The following KIF9 variants were observed in gnomAD, a reference collection of about 807,000 sequenced individuals.
The protein encoded by KIF9 is kinesin-like protein KIF9.
KIF9 carries 68 observed loss-of-function variants against 94.8 expected under a neutral mutation model. The observed-to-expected ratio is 0.72, with a 90% CI of 0.59 to 0.88. KIF9 has a LOEUF of 0.88. Ranked by LOEUF, KIF9 falls within the 40% of genes least tolerant of loss-of-function variation. KIF9 has a pLI of 0.00. For missense variants in KIF9, 882 were observed against 982.5 expected (o/e 0.90, Z 1.37); for synonymous variants, 343 against 362.1 (o/e 0.95, Z 0.60).
At chr3:47,234,742 G>T (rs1698890515) in intron 20 of KIF9, among the ~76,000 whole-genome samples, 1 of 149,774 alleles carries the variant, frequency 6.7e-6, no homozygotes, top group South Asian at 2.1e-4. Context: ...TTTTAGTAGA[G>T]ACAGGGTTTC....
Position 47,271,427 on chromosome 3 carries a change from G to A in KIF9, c.401C>T (p.Ala134Val), listed in dbSNP as rs1423749346. 3 of 1,613,972 alleles carry A rather than the reference G, an allele frequency of 1.9e-6. No individual in the cohort carries two copies. The highest frequency in any genetic ancestry group is 2.5e-6 in the Non-Finnish European group (3 of 1,180,014). The change falls in exon 5 of 21, where the codon GCC becomes GTC. Residue 134 changes from alanine (A) to valine (V), a missense_variant. Coordinates refer to ENST00000684063, the MANE Select transcript of KIF9 (RefSeq NM_182902.4). ...FRMIEERPTH[A>V]ITVRVSYLEI... Reference sequence around the variant, plus strand: ...CAAGTAGGAAACACGCACAGTGATGGCATGTGTGGGGCGTTCTTCGATCAT... The same window carrying A: ...CAAGTAGGAAACACGCACAGTGATGACATGTGTGGGGCGTTCTTCGATCAT...
At chr3:47,234,047 C>T (rs1386851745) in intron 20 of KIF9, among the ~76,000 whole-genome samples, 2 of 151,890 alleles carry the variant, frequency 1.3e-5, no homozygotes, top group Non-Finnish European at 2.9e-5. Flanking sequence ...CACGCCATTG[C>T]ACTCCAGCCT....
chr3:47,236,345 A>G, intron 18 of KIF9, 98 bp downstream of exon 18: 1 of 1,374,498 alleles, frequency 7.3e-7, no homozygotes, highest in Admixed American at 1.9e-5. Context: ...TGGCTCTGCC[A>G]GAGAGAAACT....
chr3:47,239,490 C>A, intron 17 of KIF9: 1 of 972,008 alleles, frequency 1.0e-6, no homozygotes, highest in Non-Finnish European at 1.3e-6. Context: ...AGGGCTTTGC[C>A]CTCAGGAATA....
chr3:47,257,453 T>G, intron 10 of KIF9, 30 bp downstream of exon 10: 2 of 1,596,868 alleles, frequency 1.3e-6, no homozygotes, highest in Non-Finnish European at 1.7e-6. Flanking sequence ...TTCCCCACAG[T>G]GGGACACCTG....
chr3:47,269,047 T>A (rs1320839517), intron 5 of KIF9, among the ~76,000 whole-genome samples: 1 of 152,122 alleles, frequency 6.6e-6, no homozygotes, highest in Non-Finnish European at 1.5e-5. Context: ...GCTCTGGGAT[T>A]ACAGGTGTGA....
At chr3:47,255,723 C>T (rs1260851622) in intron 10 of KIF9, among the ~76,000 whole-genome samples, 1 of 151,216 alleles carries the variant, frequency 6.6e-6, no homozygotes, top group Non-Finnish European at 1.5e-5. Context: ...TTTCTTCGCT[C>T]TCCCTCTCCC....
intron 10 of KIF9, among the ~76,000 whole-genome samples, chr3:47,252,341 G>A (rs992827149): frequency 5.9e-5 from 9 of 152,082 alleles, no homozygotes; most frequent in Admixed American, 5.9e-4. Flanking sequence ...GCTCACACCT[G>A]TAATCCCAGC....
chr3:47,248,038 G>C lies in KIF9; in HGVS notation c.1108C>G (p.Leu370Val). The C allele has an allele frequency of 6.2e-7, 1 of 1,613,714 alleles. No homozygotes were observed. Among genetic ancestry groups the C allele is most frequent in the Non-Finnish European group, 8.5e-7 (1 of 1,179,776 alleles). Residue 370 changes from leucine (L) to valine (V), a missense_variant, in exon 11 of 21, where the codon CTG (leucine) becomes GTG (valine). Physicochemically the swap from Leu to Val is conservative, Grantham distance 32. Coordinates refer to ENST00000684063, the MANE Select transcript of KIF9 (RefSeq NM_182902.4). Reference sequence around the variant, plus strand: ...CTTACCAGGCTGTCATGGATAGCCAGCTCCTGCTTGAGTAGTGCTAGTTCC... The same window carrying C: ...CTTACCAGGCTGTCATGGATAGCCACCTCCTGCTTGAGTAGTGCTAGTTCC... Reference protein sequence around the residue: ...EKELALLKQELAIHDSLTNRT... With the variant: ...EKELALLKQEVAIHDSLTNRT...
chr3:47,273,648 CAT>C lies in KIF9; in HGVS notation c.268_269del (p.Met90ValfsTer18), dbSNP rs1701784959. The C allele has an allele frequency of 1.2e-6, 2 of 1,613,548 alleles. No individual in the cohort carries two copies. Among genetic ancestry groups the C allele is most frequent in the African/African-American group, 1.3e-5 (1 of 74,940 alleles). ...QALDGYNGTI[M>X]CYGQTGAGKT... ...TGCCAGCTCCCGTCTGCCCATAACA[CAT>C]GATGGTGCCTGCAAACATTTCAAAA... On this transcript the variant is annotated frameshift_variant, in exon 4 of 21. Transcript: ENST00000684063. LOFTEE classifies it high-confidence loss of function.
At chr3:47,282,295 A>T (rs987681539) in intron 1 of KIF9, 200 bp downstream of exon 1, 2 of 985,734 alleles carry the variant, frequency 2.0e-6, no homozygotes, top group Non-Finnish European at 2.4e-6. Flanking sequence ...AATGAACATT[A>T]GCTCCGAAGA....
rs753104206 is a variant in KIF9, at chr3:47,235,541, T to A, written c.2294A>T (p.Tyr765Phe). The A allele has an allele frequency of 6.2e-7, 1 of 1,613,958 alleles. No individual in the cohort carries two copies. Among genetic ancestry groups the A allele is most frequent in the Non-Finnish European group, 8.5e-7 (1 of 1,179,862 alleles). ...LPEGPDSISFYNAKVKIEQKH... is the reference protein window; with the variant it reads ...LPEGPDSISFFNAKVKIEQKH... Reference sequence around the variant, plus strand: ...CTGCTCTATCTTGACTTTGGCATTGTAGAAGGAGATGGAATCAGGGCCCTC... The same window carrying A: ...CTGCTCTATCTTGACTTTGGCATTGAAGAAGGAGATGGAATCAGGGCCCTC... The change falls in exon 20 of 21, where the codon TAC becomes TTC. Residue 765 changes from tyrosine to phenylalanine, a missense_variant. Transcript: ENST00000684063.
At chr3:47,257,293 C>T (rs1004298884) in intron 10 of KIF9, among the ~76,000 whole-genome samples, 190 bp downstream of exon 10, 2 of 152,150 alleles carry the variant, frequency 1.3e-5, no homozygotes, top group Admixed American at 1.3e-4. Context: ...CCCTTTTACC[C>T]CATGACAGCC....
At chr3:47,281,211 G>C (rs1576109750) in intron 1 of KIF9, 1 of 579,772 alleles carries the variant, frequency 1.7e-6, no homozygotes, top group East Asian at 2.9e-5. Flanking sequence ...AGAGTCCCAA[G>C]GGGCATATGA....
intron 10 of KIF9, among the ~76,000 whole-genome samples, chr3:47,253,281 G>A (rs1335046444): frequency 3.3e-5 from 5 of 151,716 alleles, no homozygotes; most frequent in South Asian, 2.1e-4. Context: ...TCAGCCTCCC[G>A]AGTAGCTAGG....
chr3:47,258,671 C>T (rs1700769188), intron 9 of KIF9, among the ~76,000 whole-genome samples: 1 of 152,138 alleles, frequency 6.6e-6, no homozygotes, highest in Non-Finnish European at 1.5e-5. Context: ...CACTTTCTTC[C>T]TCCTGCTCCT....
chr3:47,231,837 T>C (rs1698613019), intron 20 of KIF9: 1 of 152,248 alleles, frequency 6.6e-6, no homozygotes. Context: ...CCTCTCTGGA[T>C]GGGCTTCAGC....
Position 47,265,972 on chromosome 3 carries a change from T to C in KIF9, c.769-95A>G, listed in dbSNP as rs1701266692. 4 of 1,393,010 alleles carry C rather than the reference T, an allele frequency of 2.9e-6. No individual in the cohort carries two copies. In the East Asian group the frequency reaches 9.2e-5, roughly 32 times the overall value. 86.3% of individuals were successfully genotyped at this position (1,393,010 alleles called of 1,614,324 possible). On this transcript the variant is annotated intron_variant, in intron 7 of 20. Coordinates refer to ENST00000684063, the MANE Select transcript of KIF9 (RefSeq NM_182902.4). ...CTGGTCTGGAGAAATGCTATAAGTC[T>C]GTGGTCAGGTCAGCGCCTCCTTCCC...
Position 47,235,626 on chromosome 3 carries a change from G to C in KIF9, c.2218-9C>G, listed in dbSNP as rs368001559. The C allele has an allele frequency of 6.2e-7, 1 of 1,605,932 alleles. No homozygotes were observed. Among genetic ancestry groups the C allele is most frequent in the Admixed American group, 1.7e-5 (1 of 60,010 alleles). On this transcript the variant is annotated splice_polypyrimidine_tract_variant and intron_variant, in intron 19 of 20. Coordinates refer to ENST00000684063, the MANE Select transcript of KIF9 (RefSeq NM_182902.4). ...TCCTGGTCATCTTCTCCCTGGGGGA[G>C]GACAGTCCCTTTAGCATGGTATTGT...
Sources: gnomAD v4.1 joint callset for allele counts (sites outside exome capture counted in the v4.1 genomes callset) on GRCh38, gnomAD v4.1.1 for gene constraint, MANE v1.5 for transcripts, NCBI Gene and HGNC (gene_info 2026-07-23, HGNC 2026-07-21) for gene names.